The following MSH4 variants were observed in gnomAD, a reference collection of about 807,000 sequenced individuals.
MSH4 encodes the protein mutS homolog 4.
Under a neutral mutation model 113.7 loss-of-function variants are expected in MSH4, and 106 were observed. The ratio of observed to expected loss-of-function variants is 0.93; its 90% CI spans 0.80 to 1.10. The LOEUF (loss-of-function observed/expected upper bound fraction) is 1.10. MSH4 is among the 50% of genes least tolerant of loss of function. The probability of loss-of-function intolerance (pLI) is 0.00; values close to 1 mark genes in which losing one functional copy is unlikely to be tolerated. For synonymous variants in MSH4, 368 were observed against 380.2 expected (o/e 0.97, Z 0.37); for missense variants, 1,061 against 1,093.7 (o/e 0.97, Z 0.42).
Position 75,798,969 on chromosome 1 carries a change from C to T in MSH4, c.244+1740C>T, listed in dbSNP as rs77579522. ...GCCACTTAAATCAGTAGACCTGTAT[C>T]TGCAGGTAAAAGATCAAACTCTCTA... On this transcript the variant is annotated intron_variant, in intron 1 of 19. Transcript: ENST00000263187. 9.9e-3 allele frequency among the ~76,000 whole-genome samples: 1,505 copies of T among 152,298 alleles called. 34 individuals carry two copies. Among genetic ancestry groups the T allele is most frequent in the African/African-American group, 0.034 (1,432 of 41,558 alleles).
intron 6 of MSH4, among the ~76,000 whole-genome samples, chr1:75,821,941 A>C (rs1010373282): frequency 6.6e-6 from 1 of 152,062 alleles, no homozygotes; most frequent in African/African-American, 2.4e-5. Context: ...TTTTTATTAG[A>C]CCTACTGAAT....
chr1:75,845,101 C>T (rs1280575738), intron 7 of MSH4, among the ~76,000 whole-genome samples: 1 of 152,226 alleles, frequency 6.6e-6, no homozygotes, highest in South Asian at 2.1e-4. Flanking sequence ...CCTAATCACC[C>T]TTTAAAGGTC....
At chr1:75,802,449 CAA>C (rs1181412266) in intron 1 of MSH4, among the ~76,000 whole-genome samples, 1 of 152,104 alleles carries the variant, frequency 6.6e-6, no homozygotes, top group East Asian at 1.9e-4. Context: ...TTGTGGAAAT[CAA>C]AGAGAATAGG....
chr1:75,806,502 C>T (rs866550713), intron 2 of MSH4, among the ~76,000 whole-genome samples: 1 of 152,042 alleles, frequency 6.6e-6, no homozygotes, highest in Admixed American at 6.6e-5. Flanking sequence ...CCACCTCGGC[C>T]TCCCAAAGTG....
intron 7 of MSH4, among the ~76,000 whole-genome samples, chr1:75,841,870 C>T (rs1650966487): frequency 6.6e-6 from 1 of 151,998 alleles, no homozygotes; most frequent in African/African-American, 2.4e-5. Flanking sequence ...AGAATATAAC[C>T]GCAATATATT....
intron 2 of MSH4, among the ~76,000 whole-genome samples, chr1:75,805,504 C>G (rs1224002268): frequency 6.6e-6 from 1 of 151,324 alleles, no homozygotes; most frequent in African/African-American, 2.4e-5. Flanking sequence ...TCTCCTGCCT[C>G]GGCCTCCCGA....
chr1:75,891,154 C>CA (rs982522578), intron 17 of MSH4, among the ~76,000 whole-genome samples: 2 of 152,088 alleles, frequency 1.3e-5, no homozygotes, highest in African/African-American at 4.8e-5. Context: ...TATGATGTTA[C>CA]AACAGGAAGG....
intron 2 of MSH4, among the ~76,000 whole-genome samples, chr1:75,804,411 A>C (rs1650011321): frequency 6.6e-6 from 1 of 152,082 alleles, no homozygotes. Context: ...TTATTTTTTA[A>C]AGTAGTTCTA....
At chr1:75,882,506 T>G (rs1651956079) in intron 14 of MSH4, among the ~76,000 whole-genome samples, 1 of 152,022 alleles carries the variant, frequency 6.6e-6, no homozygotes, top group Non-Finnish European at 1.5e-5. Context: ...TGTGTTGATC[T>G]TCTCTATTCT....
At chr1:75,878,446 G>A (rs1651861505) in intron 11 of MSH4, 128 bp downstream of exon 11, 1 of 722,826 alleles carries the variant, frequency 1.4e-6, no homozygotes, top group Non-Finnish European at 2.2e-6. Flanking sequence ...AAAACATAAG[G>A]TTAGCATGTA....
At chr1:75,912,672 A>C in intron 19 of MSH4, 24 bp from the exon 20 acceptor site, 1 of 1,242,142 alleles carries the variant, frequency 8.1e-7, no homozygotes, top group Non-Finnish European at 1.1e-6. Flanking sequence ...ATATATATAT[A>C]TATTTTTTTT....
rs1048760697 is a variant in MSH4, at chr1:75,900,596, C to T, written c.2619+890C>T. Reference sequence around the variant, plus strand: ...TGCTGGGATTACAGGTGTGAGCAACCGCTCCCAGCTGCTTTACAGTGTTTT... The same window carrying T: ...TGCTGGGATTACAGGTGTGAGCAACTGCTCCCAGCTGCTTTACAGTGTTTT... On this transcript the variant is annotated intron_variant, in intron 19 of 19. Transcript: ENST00000263187. Among the ~76,000 whole-genome samples, 5 of 152,052 alleles carry T rather than the reference C, an allele frequency of 3.3e-5. No homozygotes were observed. In the South Asian group the frequency reaches 6.2e-4, roughly 19 times the overall value.
chr1:75,874,972 A>G (rs1651785187), intron 9 of MSH4, among the ~76,000 whole-genome samples: 1 of 152,116 alleles, frequency 6.6e-6, no homozygotes, highest in Non-Finnish European at 1.5e-5. Flanking sequence ...AGCTCACTGC[A>G]ACGTTTGCCT....
chr1:75,814,555 T>C (rs1483760604), intron 4 of MSH4, among the ~76,000 whole-genome samples: 1 of 152,200 alleles, frequency 6.6e-6, no homozygotes, highest in East Asian at 1.9e-4. Context: ...GGTGTTTTCA[T>C]CTTTTCACCT....
intron 4 of MSH4, among the ~76,000 whole-genome samples, chr1:75,813,409 A>G (rs575766768): frequency 7.9e-5 from 12 of 152,328 alleles, no homozygotes; most frequent in African/African-American, 2.9e-4. Flanking sequence ...TTAAGAATAG[A>G]GAAGTCAGAT....
At chr1:75,889,453 A>G (rs1652202520) in intron 16 of MSH4, 84 bp downstream of exon 16, 1 of 636,232 alleles carries the variant, frequency 1.6e-6, no homozygotes, top group African/African-American at 1.9e-5. Context: ...TTTTTATACT[A>G]AAATATGCAG....
intron 8 of MSH4, among the ~76,000 whole-genome samples, chr1:75,857,159 TTTAAG>T (rs1206463155): frequency 6.6e-6 from 1 of 152,242 alleles, no homozygotes; most frequent in Non-Finnish European, 1.5e-5. Flanking sequence ...TGTAAATTTC[TTTAAG>T]TTATTTCTAG....
At chr1:75,870,954 T>C (rs1028985815) in intron 9 of MSH4, among the ~76,000 whole-genome samples, 1 of 152,030 alleles carries the variant, frequency 6.6e-6, no homozygotes, top group African/African-American at 2.4e-5. Context: ...AAGGCAAAGG[T>C]AGGAAAAATT....
intron 2 of MSH4, 116 bp downstream of exon 2, chr1:75,804,029 A>G: frequency 1.6e-6 from 1 of 630,716 alleles, no homozygotes; most frequent in Non-Finnish European, 2.4e-6. Flanking sequence ...TGAATGAAAA[A>G]TAAATACATT....
Sources: gnomAD v4.1 joint callset for allele counts (sites outside exome capture counted in the v4.1 genomes callset) on GRCh38, gnomAD v4.1.1 for gene constraint, MANE v1.5 for transcripts, NCBI Gene and HGNC (gene_info 2026-07-23, HGNC 2026-07-21) for gene names.